Variants in DYM observed in about 807,000 individuals in gnomAD.
DYM encodes dymeclin.
A neutral mutation model predicts 93.1 loss-of-function variants in DYM; 78 were observed. That is an observed-to-expected ratio of 0.84 (90% confidence interval 0.70 to 1.01). DYM has a LOEUF of 1.01. Among genes scored for constraint, DYM ranks in the 50% least tolerant of loss-of-function variants. DYM has a pLI of 0.00. For synonymous variants in DYM, 321 were observed against 319.7 expected (o/e 1.00, Z -0.04); for missense variants, 789 against 845.0 (o/e 0.93, Z 0.82).
chr18:49,188,980 A>G (rs1276845906), intron 14 of DYM, among the ~76,000 whole-genome samples: 2 of 152,370 alleles, frequency 1.3e-5, no homozygotes, highest in East Asian at 3.9e-4. Flanking sequence ...CACATACACC[A>G]TGAAATACTA....
At chr18:49,336,105 T>C (rs1360597112) in intron 6 of DYM, among the ~76,000 whole-genome samples, 3 of 152,208 alleles carry the variant, frequency 2.0e-5, no homozygotes, top group East Asian at 3.9e-4. Context: ...TGAGCCATCG[T>C]GCCAGACTGC....
At chr18:49,256,083 C>CAA (rs11337971) in intron 13 of DYM, among the ~76,000 whole-genome samples, 25 of 85,862 alleles carry the variant, frequency 2.9e-4, no homozygotes, top group South Asian at 1.7e-3. Flanking sequence ...GACTCCATCT[C>CAA]AAAAAAAAAA....
intron 1 of DYM, among the ~76,000 whole-genome samples, chr18:49,432,540 A>C (rs1237809138): frequency 2.6e-5 from 4 of 151,448 alleles, no homozygotes. Flanking sequence ...TTCATTTATA[A>C]GATTTTAAAA....
intron 2 of DYM, among the ~76,000 whole-genome samples, chr18:49,414,744 A>G (rs900865080): frequency 1.3e-5 from 2 of 152,134 alleles, no homozygotes; most frequent in Non-Finnish European, 2.9e-5. Flanking sequence ...GGCTAAAGAA[A>G]TCTCCTAAAG....
Position 49,163,734 on chromosome 18 carries a change from T to C in DYM, c.1679A>G (p.Gln560Arg). 1 of 1,612,930 alleles carries C rather than the reference T, an allele frequency of 6.2e-7. No individual in the cohort carries two copies. The highest frequency in any genetic ancestry group is 8.5e-7 in the Non-Finnish European group (1 of 1,179,350). The change falls in exon 15 of 18, where the codon CAG (glutamine) becomes CGG (arginine). Residue 560 changes from glutamine (Q) to arginine (R), a missense_variant. Physicochemically the swap from Gln to Arg is conservative, Grantham distance 43. Transcript: ENST00000675505. ...KHNKVLEQATQSLRGSLSSND... is the reference protein window; with the variant it reads ...KHNKVLEQATRSLRGSLSSND... Reference sequence around the variant, plus strand: ...AGAACTCAGCGAACCTCTCAAGGACTGTGTGGCTTGTTCCAGAACTTTGTT... The same window carrying C: ...AGAACTCAGCGAACCTCTCAAGGACCGTGTGGCTTGTTCCAGAACTTTGTT...
intron 14 of DYM, among the ~76,000 whole-genome samples, chr18:49,201,465 T>C (rs751011989): frequency 2.6e-5 from 4 of 152,214 alleles, no homozygotes; most frequent in Non-Finnish European, 4.4e-5. Flanking sequence ...AGACGCAGCA[T>C]GCTTCGACCA....
At chr18:49,435,512 G>A (rs2148514874) in intron 1 of DYM, among the ~76,000 whole-genome samples, 1 of 152,082 alleles carries the variant, frequency 6.6e-6, no homozygotes, top group Non-Finnish European at 1.5e-5. Context: ...ACAAGGCCGG[G>A]CACAGTGGCT....
At chr18:49,345,719 G>T (rs1047064632) in intron 6 of DYM, among the ~76,000 whole-genome samples, 6 of 152,012 alleles carry the variant, frequency 3.9e-5, no homozygotes, top group Non-Finnish European at 8.8e-5. Flanking sequence ...ATAAAAGATG[G>T]ATAAATTTAA....
intron 16 of DYM, among the ~76,000 whole-genome samples, chr18:49,108,945 A>G (rs1210584472): frequency 6.6e-6 from 1 of 151,864 alleles, no homozygotes; most frequent in South Asian, 2.1e-4. Context: ...CTTCTTTATC[A>G]TTACATGGAG....
chr18:49,283,110 T>G (rs763655669), intron 9 of DYM, among the ~76,000 whole-genome samples: 5 of 152,352 alleles, frequency 3.3e-5, no homozygotes, highest in Non-Finnish European at 4.4e-5. Flanking sequence ...TAAGCTATTA[T>G]ATTTGTGTAC....
chr18:49,400,064 C>T (rs986745327), intron 2 of DYM, among the ~76,000 whole-genome samples: 9 of 150,500 alleles, frequency 6.0e-5, no homozygotes, highest in African/African-American at 2.2e-4. Context: ...CCTCAGCCTC[C>T]CAAGTAGCTG....
chr18:49,343,951 T>TAAAAAAAAAA (rs59054000), intron 6 of DYM, among the ~76,000 whole-genome samples: 1 of 135,348 alleles, frequency 7.4e-6, no homozygotes. Flanking sequence ...TACACCACAT[T>TAAAAAAAAAA]AAAAAAAAAA....
At chr18:49,380,813 A>G (rs1054179102) in intron 3 of DYM, among the ~76,000 whole-genome samples, 2 of 152,190 alleles carry the variant, frequency 1.3e-5, no homozygotes, top group African/African-American at 2.4e-5. Context: ...TAGCAAACAC[A>G]GTCTTTTTCC....
In DYM at chr18:49,284,544, T is replaced by A. The variant is rs1444756386; in HGVS notation, c.946+1890A>T. ...TGTTGCAAAATCTGGGCTAATCATTTTAAAGACTTACCTTGCTTGGTCTTT... is the reference window on the plus strand; with the variant it reads ...TGTTGCAAAATCTGGGCTAATCATTATAAAGACTTACCTTGCTTGGTCTTT... On this transcript the variant is annotated intron_variant, in intron 9 of 17. Coordinates refer to ENST00000675505, the MANE Select transcript of DYM (RefSeq NM_001353214.3). Among the ~76,000 whole-genome samples the A allele has an allele frequency of 1.9e-4, 25 of 129,478 alleles. 1 individual carries two copies. The Admixed American group carries it at 2.0e-3, about 10-fold the overall frequency. The allele number at this position is 129,478 out of a possible 152,430, so 84.9% of individuals were successfully genotyped here.
intron 15 of DYM, among the ~76,000 whole-genome samples, chr18:49,147,826 G>A (rs532920628): frequency 1.2e-4 from 18 of 152,154 alleles, no homozygotes; most frequent in South Asian, 4.2e-4. Context: ...CATTTGACCC[G>A]GCCATCCCAT....
intron 8 of DYM, among the ~76,000 whole-genome samples, chr18:49,288,318 T>C (rs183809884): frequency 6.6e-4 from 100 of 152,304 alleles, no homozygotes; most frequent in Non-Finnish European, 2.5e-4. Flanking sequence ...TTAGAAAATA[T>C]ATTTAATTCC....
intron 13 of DYM, among the ~76,000 whole-genome samples, chr18:49,209,944 A>G (rs1255333487): frequency 6.6e-6 from 1 of 152,218 alleles, no homozygotes; most frequent in Non-Finnish European, 1.5e-5. Context: ...CAGATGGCAA[A>G]TAAGCATATG....
At position 49,412,262 on chromosome 18, in the gene DYM, C is replaced by T. The variant is rs2072341790; in HGVS notation, c.140+17993G>A. Among the ~76,000 whole-genome samples, 5 of 148,532 alleles carry T rather than the reference C, an allele frequency of 3.4e-5. No homozygotes were observed. The South Asian group carries it at 1.1e-3, about 31-fold the overall frequency. On this transcript the variant is annotated intron_variant, in intron 2 of 17. Transcript: ENST00000675505. Reference sequence around the variant, plus strand: ...AAAAAAAAAAAAAAAAAAATTCCAACCAACACAGTGAGAAAGAAGAGGAAT... The same window carrying T: ...AAAAAAAAAAAAAAAAAAATTCCAATCAACACAGTGAGAAAGAAGAGGAAT...
In DYM at chr18:49,407,637, G is replaced by GCTAGC. The variant is rs1440742954; in HGVS notation, c.141-15997_141-15993dup. ...AATTCACTCATCATCAGGGGATGGCGCTAGCCATTCATGAGGGATCTGCCA... is the reference window on the plus strand; with the variant it reads ...AATTCACTCATCATCAGGGGATGGCGCTAGCCTAGCCATTCATGAGGGATCTGCCA... On this transcript the variant is annotated intron_variant, in intron 2 of 17. Transcript: ENST00000675505. 3.3e-5 allele frequency among the ~76,000 whole-genome samples: 5 copies of GCTAGC among 152,154 alleles called. No individual in the cohort carries two copies. In the East Asian group the frequency reaches 9.6e-4, roughly 29 times the overall value.
Sources: gnomAD v4.1 joint callset for allele counts (sites outside exome capture counted in the v4.1 genomes callset) on GRCh38, gnomAD v4.1.1 for gene constraint, MANE v1.5 for transcripts, NCBI Gene and HGNC (gene_info 2026-07-23, HGNC 2026-07-21) for gene names.